Variants in SIRPA observed in about 807,000 individuals in gnomAD.
SIRPA encodes tyrosine-protein phosphatase non-receptor type substrate 1.
In SIRPA, 9 loss-of-function variants were observed where a neutral mutation model predicts 50.3. The observed-to-expected ratio is 0.18, with a 90% CI of 0.11 to 0.31. The LOEUF is 0.31. Among genes scored for constraint, SIRPA ranks in the 10% least tolerant of loss-of-function variants. The pLI is 1.00. For synonymous variants in SIRPA, 265 were observed against 284.1 expected, an observed-to-expected ratio of 0.93 and a Z score of 0.68; for missense variants, 474 against 661.6, an observed-to-expected ratio of 0.72 and a Z score of 3.11.
At chr20:1,911,826 G>A (rs565203860) in intron 1 of SIRPA, among the ~76,000 whole-genome samples, 1 of 152,150 alleles carries the variant, frequency 6.6e-6, no homozygotes, top group Non-Finnish European at 1.5e-5. Flanking sequence ...TCTGCTAGGA[G>A]GGCAAGAGAA....
chr20:1,934,699 T>C lies in SIRPA; in HGVS notation c.1227-16T>C. 3 of 1,613,620 alleles carry C rather than the reference T, an allele frequency of 1.9e-6. No individual in the cohort carries two copies. Among genetic ancestry groups the C allele is most frequent in the Non-Finnish European group, 2.5e-6 (3 of 1,179,498 alleles). On this transcript the variant is annotated splice_polypyrimidine_tract_variant and intron_variant, in intron 6 of 7. Coordinates refer to ENST00000358771, the MANE Select transcript of SIRPA (RefSeq NM_001040023.2). The surrounding 1 kb of genome is among the most constrained non-coding windows in gnomAD (Gnocchi z 4.6). ...TAGTGAGGGTATTTTTATCTGTGTG[T>C]CTCTTTCCTTTTTAGGTTGCATGAG...
At chr20:1,908,416 C>CT (rs1328039401) in intron 1 of SIRPA, among the ~76,000 whole-genome samples, 1 of 152,076 alleles carries the variant, frequency 6.6e-6, no homozygotes, top group Non-Finnish European at 1.5e-5. Flanking sequence ...CTGCATCACT[C>CT]TCCCACACAC....
At chr20:1,931,330 C>T (rs1194087338) in intron 6 of SIRPA, among the ~76,000 whole-genome samples, 1 of 152,172 alleles carries the variant, frequency 6.6e-6, no homozygotes, top group Non-Finnish European at 1.5e-5. Flanking sequence ...TCAGAGAAGT[C>T]GTGACATTCC....
rs748694218 is a variant in SIRPA at position 1,927,048 on chromosome 20, G to T, written c.1202-827G>T. On this transcript the variant is annotated intron_variant, in intron 5 of 7. Transcript: ENST00000358771. This position sits in a 1 kb window ranked among gnomAD's most constrained non-coding sequence, Gnocchi z 6.5. ...CCTGTCAGCCTCCACTCAGACTTTC[G>T]GTGCTGAGCACAGCTTCCAACTGGT... 6.6e-6 allele frequency among the ~76,000 whole-genome samples: 1 copy of T among 152,128 alleles called. No homozygotes were observed. The highest frequency in any genetic ancestry group is 1.5e-5 in the Non-Finnish European group (1 of 68,018).
intron 4 of SIRPA, among the ~76,000 whole-genome samples, chr20:1,922,922 C>A (rs1025332006): frequency 6.6e-6 from 1 of 152,124 alleles, no homozygotes; most frequent in Admixed American, 6.5e-5. Flanking sequence ...TGGTGTCCTG[C>A]CTCTTGCCTT....
intron 1 of SIRPA, among the ~76,000 whole-genome samples, chr20:1,907,503 C>T (rs748009782): frequency 3.5e-4 from 53 of 152,222 alleles, no homozygotes; most frequent in Non-Finnish European, 4.0e-4. Context: ...TGCGTCTTTG[C>T]TCATGTGGTT....
rs1030499514 is a variant in SIRPA, at chr20:1,912,126, A to C, written c.80-2973A>C. Among the ~76,000 whole-genome samples the C allele has an allele frequency of 1.1e-4, 16 of 152,326 alleles. 1 individual carries two copies. In the South Asian group the frequency reaches 3.1e-3, roughly 30 times the overall value. On this transcript the variant is annotated intron_variant, in intron 1 of 7. Coordinates refer to ENST00000358771, the MANE Select transcript of SIRPA (RefSeq NM_001040023.2). ...GAGAGAGCTCGAGAGGAGCTAAAAAAAAAATGGGGGAGCCAGCGCTACACA... is the reference window on the plus strand; with the variant it reads ...GAGAGAGCTCGAGAGGAGCTAAAAACAAAATGGGGGAGCCAGCGCTACACA...
chr20:1,912,582 G>C (rs542184887), intron 1 of SIRPA, among the ~76,000 whole-genome samples: 1 of 152,384 alleles, frequency 6.6e-6, no homozygotes, highest in African/African-American at 2.4e-5. Context: ...ACAATCCAGA[G>C]AAAATCAAAT....
Position 1,937,233 on chromosome 20 carries a change from C to G in SIRPA, c.1267-87C>G, listed in dbSNP as rs1482997119. ...GTGGGCCGAGAGGACACAGAAGCATCCAGACTTGGTATTCAGTTTGAGTGA... is the reference window on the plus strand; with the variant it reads ...GTGGGCCGAGAGGACACAGAAGCATGCAGACTTGGTATTCAGTTTGAGTGA... On this transcript the variant is annotated intron_variant, in intron 7 of 7. Coordinates refer to ENST00000358771, the MANE Select transcript of SIRPA (RefSeq NM_001040023.2). This position sits in a 1 kb window ranked among gnomAD's most constrained non-coding sequence, Gnocchi z 8.3. 2 of 1,490,576 alleles carry G rather than the reference C, an allele frequency of 1.3e-6. No individual in the cohort carries two copies. Among genetic ancestry groups the G allele is most frequent in the Non-Finnish European group, 1.8e-6 (2 of 1,094,370 alleles). 92.3% of individuals were successfully genotyped at this position (1,490,576 alleles called of 1,614,324 possible).
At chr20:1,899,102 CT>C (rs1446913166) in intron 1 of SIRPA, among the ~76,000 whole-genome samples, 6 of 151,856 alleles carry the variant, frequency 4.0e-5, no homozygotes, top group African/African-American at 1.4e-4. Context: ...GGTTTCCCCC[CT>C]CTCTCTCTCT....
In SIRPA at chr20:1,924,642, T is replaced by C; in HGVS notation, c.1088-122T>C. ...GTGTGCCCATGTGGCTCGAGACATC[T>C]AAGAAGGTCCAGCCAGATGTTCTCA... On this transcript the variant is annotated intron_variant, in intron 4 of 7. Transcript: ENST00000358771. This position sits in a 1 kb window ranked among gnomAD's most constrained non-coding sequence, Gnocchi z 4.5. 1 of 771,682 alleles carries C rather than the reference T, an allele frequency of 1.3e-6. No individual in the cohort carries two copies. The highest frequency in any genetic ancestry group is 1.6e-5 in the South Asian group (1 of 61,436). The allele number at this position is 771,682 out of a possible 1,614,324, so 47.8% of individuals were successfully genotyped here. A position where few individuals can be genotyped will look rare whatever the true frequency, so the allele number is the denominator to read the frequency against.
intron 1 of SIRPA, among the ~76,000 whole-genome samples, chr20:1,902,924 A>C (rs1271243308): frequency 1.3e-5 from 2 of 149,104 alleles, no homozygotes; most frequent in Non-Finnish European, 3.0e-5. Flanking sequence ...CGGCAGGAGA[A>C]TCGCTTGACC....
intron 1 of SIRPA, among the ~76,000 whole-genome samples, chr20:1,904,988 C>T (rs1048322448): frequency 6.6e-6 from 1 of 152,166 alleles, no homozygotes; most frequent in Non-Finnish European, 1.5e-5. Context: ...TCTGAGCCTC[C>T]GTTTCCCCAT....
intron 1 of SIRPA, among the ~76,000 whole-genome samples, chr20:1,908,033 C>T (rs1250438906): frequency 6.6e-6 from 1 of 152,192 alleles, no homozygotes; most frequent in East Asian, 1.9e-4. Context: ...TAAGTAGGTG[C>T]TCTGGAAAGG....
rs537263433 is a variant in SIRPA, at chr20:1,938,808, G to A, written c.*1240G>A. ...CCTCAGTCTGCTCATCCGTAAAGTGGGGATAGTGAAGATGACACCCCTCCC... is the reference window on the plus strand; with the variant it reads ...CCTCAGTCTGCTCATCCGTAAAGTGAGGATAGTGAAGATGACACCCCTCCC... On this transcript the variant is annotated 3_prime_UTR_variant, in exon 8 of 8. Coordinates refer to ENST00000358771, the MANE Select transcript of SIRPA (RefSeq NM_001040023.2). The A allele has an allele frequency of 6.5e-6, 1 of 152,738 alleles. No individual in the cohort carries two copies. The highest frequency in any genetic ancestry group is 2.1e-4 in the South Asian group (1 of 4,832). The allele number at this position is 152,738 out of a possible 1,614,324, so 9.5% of individuals were successfully genotyped here. A position where few individuals can be genotyped will look rare whatever the true frequency, so the allele number is the denominator to read the frequency against.
Position 1,937,341 on chromosome 20 carries a change from G to T in SIRPA, c.1288G>T (p.Ala430Ser), listed in dbSNP as rs1267575632. The change falls in exon 8 of 8, where the codon GCA becomes TCA. Residue 430 changes from alanine (A) to serine (S), a missense_variant. Physicochemically the swap from Ala to Ser is moderately conservative, Grantham distance 99. Around this residue, in one of 4 missense-constraint regions of SIRPA, gnomAD observed 180 missense variants for 206.7 expected, o/e 0.87. Transcript: ENST00000358771. This position sits in a 1 kb window ranked among gnomAD's most constrained non-coding sequence, Gnocchi z 8.3. Reference protein sequence around the residue: ...ITQDTNDITYADLNLPKGKKP... With the variant: ...ITQDTNDITYSDLNLPKGKKP... ...CCAGGACACAAATGATATCACATAT[G>T]CAGACCTGAACCTGCCCAAGGGGAA... The T allele has an allele frequency of 1.2e-6, 2 of 1,613,888 alleles. No individual in the cohort carries two copies. The highest frequency in any genetic ancestry group is 2.7e-5 in the African/African-American group (2 of 74,878).
Position 1,932,093 on chromosome 20 carries a change from A to G in SIRPA, c.1227-2622A>G, listed in dbSNP as rs566013439. On this transcript the variant is annotated intron_variant, in intron 6 of 7. Transcript: ENST00000358771. The surrounding 1 kb of genome is among the most constrained non-coding windows in gnomAD (Gnocchi z 6.0). ...TCATTCATTCATTCATTCAGCAAAT[A>G]CATATGGACTGCTGACGATGTGCCA... is the stretch of plus-strand genomic sequence containing the variant. Among the ~76,000 whole-genome samples the G allele has an allele frequency of 6.6e-6, 1 of 151,730 alleles. No homozygotes were observed. The highest frequency in any genetic ancestry group is 2.4e-5 in the African/African-American group (1 of 41,054).
At position 1,922,475 on chromosome 20, in the gene SIRPA, A is replaced by C; in HGVS notation, c.917A>C (p.Lys306Thr). ...ACGGCCTCAACCGTTACAGAGAACAAGGATGGTACCTACAACTGGATGAGC... is the reference window on the plus strand; with the variant it reads ...ACGGCCTCAACCGTTACAGAGAACACGGATGGTACCTACAACTGGATGAGC... The part of the protein sequence containing the change: ...TETASTVTEN[K>T]DGTYNWMSWL... The change falls in exon 4 of 8, where the codon AAG becomes ACG. Residue 306 changes from lysine to threonine, a missense_variant. Coordinates refer to ENST00000358771, the MANE Select transcript of SIRPA (RefSeq NM_001040023.2). 2 of 1,614,270 alleles carry C rather than the reference A, an allele frequency of 1.2e-6. No individual in the cohort carries two copies. Among genetic ancestry groups the C allele is most frequent in the African/African-American group, 1.3e-5 (1 of 75,078 alleles).
upstream of SIRPA, among the ~76,000 whole-genome samples, chr20:1,895,009 G>T (rs901777206): frequency 1.3e-4 from 19 of 148,152 alleles, no homozygotes; most frequent in Admixed American, 8.7e-4. Context: ...GGGCTCGGCC[G>T]TGCTGCCCCT....
Sources: allele counts gnomAD v4.1 joint callset (sites outside exome capture counted in the v4.1 genomes callset), GRCh38; gene constraint gnomAD v4.1.1; regional missense constraint gnomAD v4.1.1; non-coding constraint Gnocchi (gnomAD v3.1); transcripts MANE v1.5; gene names NCBI Gene and HGNC (gene_info 2026-07-23, HGNC 2026-07-21).